Variants in MARCHF1 observed in about 807,000 individuals in gnomAD.
The protein encoded by MARCHF1 is membrane associated ring-CH-type finger 1, also known as E3 ubiquitin-protein ligase MARCHF1.
MARCHF1 carries 40 observed loss-of-function variants against 54.2 expected under a neutral mutation model. That is an observed-to-expected ratio of 0.74 (90% CI 0.57 to 0.96). MARCHF1 has a LOEUF of 0.96. MARCHF1 is among the 40% of genes least tolerant of loss of function. MARCHF1 has a pLI of 0.00. For missense variants in MARCHF1, 586 were observed against 656.5 expected (o/e 0.89, Z 1.17); for synonymous variants, 236 against 236.3 (o/e 1.00, Z 0.01).
chr4:163,556,807 C>A (rs1331725110), intron 8 of MARCHF1, among the ~76,000 whole-genome samples: 1 of 151,546 alleles, frequency 6.6e-6, no homozygotes, highest in African/African-American at 2.4e-5. Context: ...TTAATTGGCT[C>A]AATATATTAC....
Position 163,875,717 on chromosome 4 carries a change from T to C in MARCHF1, c.-38-21548A>G, listed in dbSNP as rs181788951. The stretch of plus-strand genomic sequence containing the variant: ...ATATTTACTGATGTGAACTGCCTAA[T>C]TCGTATTTTGCAAATTGTTAAGACT... On this transcript the variant is annotated intron_variant, in intron 3 of 9. Transcript: ENST00000514618. Among the ~76,000 whole-genome samples the C allele has an allele frequency of 7.9e-5, 12 of 152,352 alleles. No individual in the cohort carries two copies. The East Asian group carries it at 2.1e-3, about 27-fold the overall frequency.
intron 3 of MARCHF1, chr4:163,932,724 G>T (rs570568828): frequency 1.9e-6 from 1 of 538,916 alleles, no homozygotes; most frequent in African/African-American, 1.9e-5. Context: ...GCAGAAGACA[G>T]ACACCTCCGA....
chr4:164,174,430 A>G (rs1267534866), intron 1 of MARCHF1, among the ~76,000 whole-genome samples: 1 of 152,184 alleles, frequency 6.6e-6, no homozygotes, highest in African/African-American at 2.4e-5. Context: ...ACTGCGCACC[A>G]GATGTGTCAT....
rs201486857 is a variant in MARCHF1 at position 163,919,982 on chromosome 4, TAA to T, written c.-38-65815_-38-65814del. Among the ~76,000 whole-genome samples the T allele has an allele frequency of 2.6e-5, 4 of 152,340 alleles. No homozygotes were observed. In the East Asian group the frequency reaches 7.7e-4, roughly 29 times the overall value. The stretch of plus-strand genomic sequence containing the variant: ...ATTAGAGTGTAATCTTGGTAGGTGA[TAA>T]GTCTTCTTGATTGCATTTCTTTACA... On this transcript the variant is annotated intron_variant, in intron 3 of 9. Coordinates refer to ENST00000514618, the MANE Select transcript of MARCHF1 (RefSeq NM_001394959.1).
At chr4:163,802,272 T>C (rs1748102694) in intron 4 of MARCHF1, among the ~76,000 whole-genome samples, 1 of 152,208 alleles carries the variant, frequency 6.6e-6, no homozygotes, top group Non-Finnish European at 1.5e-5. Flanking sequence ...ATCTGTGTTT[T>C]TCCCCACTAA....
chr4:163,555,772 C>T (rs975774199), intron 8 of MARCHF1: 3 of 305,976 alleles, frequency 9.8e-6, no homozygotes, highest in Admixed American at 3.7e-5. Context: ...CCTTGCCGAG[C>T]GGACTCTTGG....
chr4:163,924,042 A>G (rs1473650783), intron 3 of MARCHF1, among the ~76,000 whole-genome samples: 3 of 152,084 alleles, frequency 2.0e-5, no homozygotes, highest in African/African-American at 7.2e-5. Context: ...ATTTTGTGTT[A>G]AAATGTATTT....
At chr4:164,218,682 A>G (rs1732002167) in intron 1 of MARCHF1, among the ~76,000 whole-genome samples, 1 of 118,560 alleles carries the variant, frequency 8.4e-6, no homozygotes, top group African/African-American at 3.2e-5. Flanking sequence ...GGGGAACATC[A>G]CACACCGGGG....
chr4:163,628,344 A>G (rs1741946449), intron 5 of MARCHF1, among the ~76,000 whole-genome samples: 1 of 152,238 alleles, frequency 6.6e-6, no homozygotes, highest in Admixed American at 6.5e-5. Flanking sequence ...GGCCTTCCGT[A>G]AAATTCAACA....
intron 1 of MARCHF1, among the ~76,000 whole-genome samples, chr4:164,174,331 A>C (rs1204886107): frequency 1.3e-5 from 2 of 152,242 alleles, no homozygotes; most frequent in African/African-American, 4.8e-5. Context: ...AGTGAAGTAA[A>C]TACAGGGCTT....
intron 1 of MARCHF1, among the ~76,000 whole-genome samples, chr4:164,296,909 T>C (rs976811584): frequency 3.3e-5 from 5 of 152,186 alleles, no homozygotes; most frequent in African/African-American, 9.6e-5. Context: ...GTTTGGGATA[T>C]CTATCAAGGA....
intron 1 of MARCHF1, among the ~76,000 whole-genome samples, chr4:164,217,221 AT>A (rs1042293540): frequency 1.3e-5 from 2 of 152,088 alleles, no homozygotes; most frequent in Non-Finnish European, 2.9e-5. Context: ...TTTTCTAGAC[AT>A]TTTCATTCAG....
chr4:163,712,134 TA>T (rs1369344911), intron 4 of MARCHF1, among the ~76,000 whole-genome samples: 3 of 152,210 alleles, frequency 2.0e-5, no homozygotes, highest in Non-Finnish European at 2.9e-5. Context: ...ACCGACCATG[TA>T]AAATCTGCTG....
intron 5 of MARCHF1, among the ~76,000 whole-genome samples, chr4:163,686,409 G>A (rs1166478482): frequency 6.7e-6 from 1 of 150,098 alleles, no homozygotes; most frequent in East Asian, 2.0e-4. Context: ...AAGATAAGTG[G>A]AAAGTTGAAT....
intron 5 of MARCHF1, among the ~76,000 whole-genome samples, chr4:163,683,402 C>T (rs1165319458): frequency 6.6e-6 from 1 of 152,138 alleles, no homozygotes; most frequent in Non-Finnish European, 1.5e-5. Flanking sequence ...TTACCTCCCA[C>T]CCATTCCCTC....
chr4:163,528,881 T>C lies in MARCHF1; in HGVS notation c.1505A>G (p.Lys502Arg). ...IFVQNCPDTA[K>R]KLEKNFSCNV... ...ACATGAGAAGTTCTTCTCCAGTTTT[T>C]TGGCAGTGTCTGGGCAATTTTGTAC... is the stretch of plus-strand genomic sequence containing the variant. Residue 502 changes from lysine (K) to arginine (R), a missense_variant, in exon 10 of 10, where the codon AAA becomes AGA. By Grantham distance (26) the Lys-to-Arg change is conservative. Coordinates refer to ENST00000514618, the MANE Select transcript of MARCHF1 (RefSeq NM_001394959.1). 1 of 1,613,376 alleles carries C rather than the reference T, an allele frequency of 6.2e-7. No homozygotes were observed. The highest frequency in any genetic ancestry group is 8.5e-7 in the Non-Finnish European group (1 of 1,179,574).
Position 163,527,289 on chromosome 4 carries a change from T to G in MARCHF1, c.*1459A>C, listed in dbSNP as rs116047180. ...AAACGATTAATTACTTATCACAGAA[T>G]CTGTTGAATATTTTTGTTTTCTAAC... On this transcript the variant is annotated 3_prime_UTR_variant, in exon 10 of 10. Transcript: ENST00000514618. 371 of 152,132 alleles carry G rather than the reference T, an allele frequency of 2.4e-3. 3 individuals are homozygous for G. The highest frequency in any genetic ancestry group is 8.4e-3 in the African/African-American group (350 of 41,524). 9.4% of individuals were successfully genotyped at this position (152,132 alleles called of 1,614,324 possible).
chr4:163,753,411 G>T (rs1746580642), intron 4 of MARCHF1, among the ~76,000 whole-genome samples: 1 of 152,032 alleles, frequency 6.6e-6, no homozygotes, highest in Admixed American at 6.6e-5. Flanking sequence ...TTTAGTGTCT[G>T]CTTTTTGAAG....
chr4:163,773,641 A>C (rs1747221329), intron 4 of MARCHF1, among the ~76,000 whole-genome samples: 1 of 152,194 alleles, frequency 6.6e-6, no homozygotes, highest in Non-Finnish European at 1.5e-5. Flanking sequence ...GAGATTGTGA[A>C]GTGTGAGACT....
Sources: gnomAD v4.1 joint callset for allele counts (sites outside exome capture counted in the v4.1 genomes callset) on GRCh38, gnomAD v4.1.1 for gene constraint, MANE v1.5 for transcripts, NCBI Gene and HGNC (gene_info 2026-07-23, HGNC 2026-07-21) for gene names.